The following TMEM74 variants were observed in gnomAD, a reference collection of about 807,000 sequenced individuals.
TMEM74 encodes the protein transmembrane protein 74.
TMEM74 carries 13 observed loss-of-function variants against 18.1 expected under a neutral mutation model. That is an observed-to-expected ratio of 0.72 (90% CI 0.47 to 1.14). The LOEUF is 1.14. Among genes scored for constraint, TMEM74 ranks in the 50% most tolerant of loss-of-function variants. The pLI, the probability that TMEM74 is intolerant of heterozygous loss-of-function variation, is 0.00. For missense variants in TMEM74, 372 were observed against 375.9 expected (o/e 0.99, Z 0.09); for synonymous variants, 159 against 146.6 (o/e 1.08, Z -0.61).
At chr8:108,769,386 C>T (rs1814146301) in intron 1 of TMEM74, among the ~76,000 whole-genome samples, 1 of 152,096 alleles carries the variant, frequency 6.6e-6, no homozygotes, top group South Asian at 2.1e-4. Flanking sequence ...ATCTTTGCAA[C>T]TGAGAATTTC....
intron 2 of TMEM74, among the ~76,000 whole-genome samples, chr8:108,640,632 T>C (rs1369595627): frequency 1.3e-5 from 2 of 152,092 alleles, no homozygotes; most frequent in Non-Finnish European, 2.9e-5. Context: ...TATATGAGAT[T>C]AGCAAATTTT....
intron 1 of TMEM74, among the ~76,000 whole-genome samples, chr8:108,684,860 T>G (rs1017816754): frequency 1.3e-5 from 2 of 151,900 alleles, no homozygotes; most frequent in Non-Finnish European, 2.9e-5. Context: ...TTTTACGATC[T>G]AGGTGTGGAA....
intron 2 of TMEM74, chr8:108,652,501 G>T: frequency 2.3e-6 from 1 of 426,442 alleles, no homozygotes; most frequent in Non-Finnish European, 4.4e-6. Flanking sequence ...ATGCCAGGAG[G>T]GAGAGACCCT....
intron 1 of TMEM74, among the ~76,000 whole-genome samples, chr8:108,746,212 G>A (rs1374405711): frequency 6.6e-6 from 1 of 152,112 alleles, no homozygotes; most frequent in Non-Finnish European, 1.5e-5. Flanking sequence ...TTTAAGAGGG[G>A]AGGCTATTTT....
chr8:108,717,063 T>G (rs1813533886), intron 1 of TMEM74, among the ~76,000 whole-genome samples: 1 of 152,028 alleles, frequency 6.6e-6, no homozygotes. Context: ...AAATCTCTTA[T>G]CAATCATTCA....
chr8:108,746,363 C>T (rs1813848273), intron 1 of TMEM74, among the ~76,000 whole-genome samples: 1 of 151,934 alleles, frequency 6.6e-6, no homozygotes, highest in Non-Finnish European at 1.5e-5. Context: ...GCAGACACCC[C>T]TTTTATATCT....
chr8:108,730,049 A>G (rs1177233182), intron 1 of TMEM74, among the ~76,000 whole-genome samples: 4 of 152,134 alleles, frequency 2.6e-5, no homozygotes, highest in Admixed American at 2.0e-4. Context: ...TTTCTCCTTC[A>G]CTTGTGCCTT....
At chr8:108,703,871 T>A (rs149598897) in intron 1 of TMEM74, among the ~76,000 whole-genome samples, 1 of 152,226 alleles carries the variant, frequency 6.6e-6, no homozygotes, top group Middle Eastern at 3.2e-3. Context: ...TCTGTACTCA[T>A]ACCAAACTCA....
chr8:108,697,465 T>C (rs536677235), intron 1 of TMEM74, among the ~76,000 whole-genome samples: 1 of 152,316 alleles, frequency 6.6e-6, no homozygotes, highest in South Asian at 2.1e-4. Context: ...TCATCCAGGC[T>C]GAGGGCAGTG....
chr8:108,617,538 C>T (rs1018380158), intron 2 of TMEM74, among the ~76,000 whole-genome samples: 6 of 152,066 alleles, frequency 3.9e-5, no homozygotes, highest in African/African-American at 1.4e-4. Context: ...ATTCAAACCT[C>T]ATTTGGTTGG....
Position 108,784,741 on chromosome 8 carries a change from A to G in TMEM74, c.358T>C (p.Leu120=). Residue 120 remains leucine (L), a synonymous_variant, in exon 2 of 2, where the codon TTG becomes CTG. Transcript: ENST00000297459. ...SFTYVDKNIN[L]EQRNRSSPSA... ...GGCGAGCTCCGGTTCCGCTGCTCCA[A>G]GTTGATGTTTTTGTCCACATAGGTA... is the stretch of plus-strand genomic sequence containing the variant. The G allele has an allele frequency of 6.2e-7, 1 of 1,614,128 alleles. No individual in the cohort carries two copies. The highest frequency in any genetic ancestry group is 8.5e-7 in the Non-Finnish European group (1 of 1,180,002).
chr8:108,715,106 A>G (rs1813510209), intron 1 of TMEM74, among the ~76,000 whole-genome samples: 1 of 152,180 alleles, frequency 6.6e-6, no homozygotes, highest in African/African-American at 2.4e-5. Flanking sequence ...GTTTCTATCT[A>G]TATTACCTGC....
intron 1 of TMEM74, among the ~76,000 whole-genome samples, chr8:108,770,657 G>A (rs1814161260): frequency 6.6e-6 from 1 of 152,152 alleles, no homozygotes; most frequent in South Asian, 2.1e-4. Flanking sequence ...GAGAAGAAAG[G>A]TAAGAGAACA....
chr8:108,708,795 C>A (rs12546140), intron 1 of TMEM74, among the ~76,000 whole-genome samples: 1 of 86,978 alleles, frequency 1.1e-5, no homozygotes. Flanking sequence ...CATGAAACTT[C>A]TACAACTCAA....
rs551759759 is a variant in TMEM74 at position 108,781,715 on chromosome 8, T to C, written c.*2466A>G. 1.1e-4 allele frequency among the ~76,000 whole-genome samples: 16 copies of C among 152,306 alleles called. 1 individual carries two copies. The South Asian group carries it at 3.3e-3, about 32-fold the overall frequency. Reference sequence around the variant, plus strand: ...TTTCGATTTTAAATTTTAAAGGAAATTATAGCATTCTAGGGAAAAGAAAGG... The same window carrying C: ...TTTCGATTTTAAATTTTAAAGGAAACTATAGCATTCTAGGGAAAAGAAAGG... On this transcript the variant is annotated 3_prime_UTR_variant, in exon 2 of 2. Coordinates refer to ENST00000297459, the MANE Select transcript of TMEM74 (RefSeq NM_153015.3).
chr8:108,787,364 T>A (rs891345584), intron 1 of TMEM74, 112 bp downstream of exon 1: 7 of 152,230 alleles, frequency 4.6e-5, no homozygotes, highest in Non-Finnish European at 8.8e-5. Flanking sequence ...GTCCGCCTAG[T>A]ACTCGGAGAC....
At chr8:108,690,576 G>A (rs1813216003) in intron 1 of TMEM74, among the ~76,000 whole-genome samples, 1 of 152,022 alleles carries the variant, frequency 6.6e-6, no homozygotes, top group African/African-American at 2.4e-5. Flanking sequence ...AGCACTTTGG[G>A]AGGCCGAGGC....
intron 1 of TMEM74, among the ~76,000 whole-genome samples, chr8:108,699,444 A>ATT (rs1813314815): frequency 6.6e-6 from 1 of 152,006 alleles, no homozygotes; most frequent in South Asian, 2.1e-4. Flanking sequence ...CCACAGAGTA[A>ATT]CTGAGGTGGG....
rs530524152 is a variant in TMEM74, at chr8:108,698,553, A to G, written n.120-43116T>C. ...ATGGCATGTAGGAAGATTTCAATAA[A>G]TGCTAGCTGCCATTACTATTGTTGT... On this transcript the variant is annotated intron_variant and non_coding_transcript_variant, in intron 1 of 3. Transcript: ENST00000518838. 2.6e-5 allele frequency among the ~76,000 whole-genome samples: 4 copies of G among 152,294 alleles called. No homozygotes were observed. In the East Asian group the frequency reaches 7.7e-4, roughly 29 times the overall value.
Sources: gnomAD v4.1 joint callset for allele counts (sites outside exome capture counted in the v4.1 genomes callset) on GRCh38, gnomAD v4.1.1 for gene constraint, MANE v1.5 for transcripts, NCBI Gene and HGNC (gene_info 2026-07-23, HGNC 2026-07-21) for gene names.